VKORC1L1: variants seen among roughly 807,000 people sequenced by gnomAD.
The protein encoded by VKORC1L1 is vitamin K epoxide reductase complex subunit 1-like protein 1.
In VKORC1L1, 2 loss-of-function variants were observed where a neutral mutation model predicts 18.9. That is an observed-to-expected ratio of 0.11 (90% CI 0.04 to 0.33). The LOEUF (loss-of-function observed/expected upper bound fraction) is 0.33, where lower values mean the gene tolerates loss of function less well. Among genes scored for constraint, VKORC1L1 ranks in the 10% least tolerant of loss-of-function variants. The pLI is 1.00. For missense variants in VKORC1L1, 123 were observed against 224.1 expected, an observed-to-expected ratio of 0.55 and a Z score of 2.88; for synonymous variants, 96 against 100.0, an observed-to-expected ratio of 0.96 and a Z score of 0.24.
intron 1 of VKORC1L1, among the ~76,000 whole-genome samples, chr7:65,935,555 C>T (rs1789929301): frequency 6.6e-6 from 1 of 152,078 alleles, no homozygotes; most frequent in African/African-American, 2.4e-5. Flanking sequence ...GTGATCCATC[C>T]GCCTCAGCCT....
chr7:65,941,252 T>C (rs551060958), intron 1 of VKORC1L1, among the ~76,000 whole-genome samples: 3 of 152,284 alleles, frequency 2.0e-5, no homozygotes, highest in Admixed American at 6.5e-5. Flanking sequence ...ACTACAGGCA[T>C]GTGCCATCAC....
At chr7:65,906,483 A>G (rs1583839481) in intron 1 of VKORC1L1, among the ~76,000 whole-genome samples, 1 of 152,324 alleles carries the variant, frequency 6.6e-6, no homozygotes, top group Non-Finnish European at 1.5e-5. Context: ...TTTTTGACTT[A>G]CTGGCCTATT....
At chr7:65,921,837 G>C (rs1174919884) in intron 1 of VKORC1L1, among the ~76,000 whole-genome samples, 2 of 150,132 alleles carry the variant, frequency 1.3e-5, no homozygotes, top group African/African-American at 4.9e-5. Context: ...GACAGAGCGA[G>C]ACTCCATCTC....
intron 1 of VKORC1L1, among the ~76,000 whole-genome samples, chr7:65,900,274 C>T (rs796208980): frequency 6.6e-6 from 1 of 151,440 alleles, no homozygotes; most frequent in Non-Finnish European, 1.5e-5. Flanking sequence ...CCTGTAGTCT[C>T]AGCTACTCGG....
chr7:65,919,056 C>T (rs1283017828), intron 1 of VKORC1L1, among the ~76,000 whole-genome samples: 1 of 152,112 alleles, frequency 6.6e-6, no homozygotes, highest in African/African-American at 2.4e-5. Flanking sequence ...CCACTGCACT[C>T]CAGCTTGGGT....
At chr7:65,897,766 A>C (rs1789240243) in intron 1 of VKORC1L1, among the ~76,000 whole-genome samples, 2 of 152,078 alleles carry the variant, frequency 1.3e-5, no homozygotes, top group Non-Finnish European at 2.9e-5. Flanking sequence ...TATGAACTTA[A>C]GAATTATGTA....
In VKORC1L1 at chr7:65,877,685, T is replaced by C. The variant is rs182677519; in HGVS notation, c.194+4120T>C. Among the ~76,000 whole-genome samples the C allele has an allele frequency of 4.7e-3, 715 of 152,282 alleles. 7 individuals are homozygous for C. The highest frequency in any genetic ancestry group is 0.015 in the African/African-American group (629 of 41,556). ...ATATTCTATGTAGGTATTTTCTATA[T>C]ATAAGACCCCCTCTAAGAAGGGTTT... is the stretch of plus-strand genomic sequence containing the variant. On this transcript the variant is annotated intron_variant, in intron 1 of 2. Coordinates refer to ENST00000360768, the MANE Select transcript of VKORC1L1 (RefSeq NM_173517.6).
chr7:65,895,491 A>ATG, intron 1 of VKORC1L1, among the ~76,000 whole-genome samples: 1 of 55,690 alleles, frequency 1.8e-5, no homozygotes, highest in East Asian at 9.0e-4. Flanking sequence ...ATATATATAT[A>ATG]TATATATATA....
chr7:65,884,258 T>G (rs1224239541), intron 1 of VKORC1L1, among the ~76,000 whole-genome samples: 1 of 152,228 alleles, frequency 6.6e-6, no homozygotes, highest in African/African-American at 2.4e-5. Context: ...ATAGTCCTGG[T>G]GTCTGGCATA....
chr7:65,943,493 CAG>C (rs1314539317), intron 1 of VKORC1L1, among the ~76,000 whole-genome samples: 4 of 152,196 alleles, frequency 2.6e-5, no homozygotes, highest in Non-Finnish European at 5.9e-5. Context: ...CTAAGTTCCT[CAG>C]AGCATCTTAC....
chr7:65,950,000 C>T (rs950317100), intron 2 of VKORC1L1, among the ~76,000 whole-genome samples: 2 of 152,182 alleles, frequency 1.3e-5, no homozygotes, highest in African/African-American at 4.8e-5. Flanking sequence ...CAATTTTAAT[C>T]AGTGTTACCA....
chr7:65,869,223 A>C (rs1788695658), upstream of VKORC1L1, among the ~76,000 whole-genome samples: 1 of 152,008 alleles, frequency 6.6e-6, no homozygotes. Flanking sequence ...CTGAGGCAGG[A>C]GAATCTCTTC....
chr7:65,892,085 A>G (rs1029406915), intron 1 of VKORC1L1, among the ~76,000 whole-genome samples: 2 of 152,112 alleles, frequency 1.3e-5, no homozygotes, highest in Admixed American at 6.6e-5. Flanking sequence ...AATGTCCTCC[A>G]GTTTTATCCA....
In VKORC1L1 at chr7:65,941,405, A is replaced by G. The variant is rs141354222; in HGVS notation, c.195-7266A>G. Among the ~76,000 whole-genome samples the G allele has an allele frequency of 9.2e-3, 1,406 of 152,132 alleles. 24 individuals carry two copies. Among genetic ancestry groups the G allele is most frequent in the African/African-American group, 0.03 (1,266 of 41,520 alleles). On this transcript the variant is annotated intron_variant, in intron 1 of 2. Transcript: ENST00000360768. ...TGCTGGATTACAGGCATGAGCCACC[A>G]TGCCCTGCCAAAGTTCTATTTCTAG...
chr7:65,924,297 G>T (rs1008753418), intron 1 of VKORC1L1, among the ~76,000 whole-genome samples: 4 of 152,144 alleles, frequency 2.6e-5, no homozygotes, highest in African/African-American at 9.7e-5. Flanking sequence ...CCATTGTGAG[G>T]CCTTTAGTGG....
chr7:65,886,487 A>G (rs1186157872), intron 1 of VKORC1L1, among the ~76,000 whole-genome samples: 1 of 152,178 alleles, frequency 6.6e-6, no homozygotes, highest in Non-Finnish European at 1.5e-5. Context: ...ACAATATTGC[A>G]GCATATAAAG....
intron 1 of VKORC1L1, among the ~76,000 whole-genome samples, chr7:65,927,782 C>T (rs907285789): frequency 6.6e-6 from 1 of 152,190 alleles, no homozygotes. Context: ...TCTCAGCACT[C>T]TCCAAACATT....
chr7:65,896,550 C>T (rs1789216229), intron 1 of VKORC1L1, among the ~76,000 whole-genome samples: 1 of 135,214 alleles, frequency 7.4e-6, no homozygotes, highest in Non-Finnish European at 1.6e-5. Context: ...CTCCCTTCCT[C>T]CCTCCTTCCT....
At chr7:65,930,857 T>C (rs749394920) in intron 1 of VKORC1L1, among the ~76,000 whole-genome samples, 3 of 152,196 alleles carry the variant, frequency 2.0e-5, no homozygotes, top group Non-Finnish European at 4.4e-5. Flanking sequence ...ATGTTAACTG[T>C]AGGAGTATTT....
Sources: allele counts gnomAD v4.1 joint callset (sites outside exome capture counted in the v4.1 genomes callset), GRCh38; gene constraint gnomAD v4.1.1; transcripts MANE v1.5; gene names NCBI Gene and HGNC (gene_info 2026-07-23, HGNC 2026-07-21).